The following MECOM variants were observed in gnomAD, a reference collection of about 807,000 sequenced individuals.
The protein encoded by MECOM is histone-lysine N-methyltransferase MECOM.
MECOM carries 13 observed loss-of-function variants against 116.3 expected under a neutral mutation model. That is an observed-to-expected ratio of 0.11 (90% CI 0.07 to 0.18). The LOEUF is 0.18. MECOM is among the 10% of genes least tolerant of loss of function. The pLI is 1.00. For missense variants in MECOM, 1,299 were observed against 1,509.0 expected, an observed-to-expected ratio of 0.86 and a Z score of 2.31; for synonymous variants, 528 against 535.2, an observed-to-expected ratio of 0.99 and a Z score of 0.19.
At chr3:169,086,623 C>T in intron 16 of MECOM, 1 of 699,726 alleles carries the variant, frequency 1.4e-6, no homozygotes. Context: ...GGAGGAATCA[C>T]ATGCACTAAC....
intron 2 of MECOM, among the ~76,000 whole-genome samples, chr3:169,170,661 C>A (rs1459218065): frequency 2.6e-5 from 4 of 152,098 alleles, no homozygotes; most frequent in African/African-American, 4.8e-5. Flanking sequence ...TTCTGGGCAA[C>A]ATTCCACAAA....
chr3:169,523,298 C>T (rs1757571606), intron 1 of MECOM, among the ~76,000 whole-genome samples: 1 of 152,104 alleles, frequency 6.6e-6, no homozygotes, highest in Non-Finnish European at 1.5e-5. Context: ...AAAGAGAAGC[C>T]TAGTCCTTTC....
At chr3:169,507,810 G>A (rs1483753381) in intron 1 of MECOM, among the ~76,000 whole-genome samples, 9 of 143,212 alleles carry the variant, frequency 6.3e-5, no homozygotes, top group Non-Finnish European at 9.1e-5. Flanking sequence ...CACAGGCACC[G>A]CCACCACGCC....
At chr3:169,219,469 T>C (rs1751840738) in intron 2 of MECOM, among the ~76,000 whole-genome samples, 1 of 152,294 alleles carries the variant, frequency 6.6e-6, no homozygotes, top group Middle Eastern at 3.4e-3. Flanking sequence ...ATGGCGCCAC[T>C]GCACTCCAGC....
At chr3:169,121,932 T>C (rs1731176912) in intron 6 of MECOM, among the ~76,000 whole-genome samples, 1 of 151,994 alleles carries the variant, frequency 6.6e-6, no homozygotes, top group Admixed American at 6.6e-5. Context: ...AGGAAATGTG[T>C]TTTGGAAATA....
At chr3:169,174,343 A>C (rs1322077193) in intron 2 of MECOM, among the ~76,000 whole-genome samples, 1 of 152,216 alleles carries the variant, frequency 6.6e-6, no homozygotes, top group African/African-American at 2.4e-5. Context: ...ACCACCAAGC[A>C]CTTCCTTCTG....
intron 1 of MECOM, among the ~76,000 whole-genome samples, chr3:169,403,111 T>C (rs1379340689): frequency 6.6e-6 from 1 of 152,206 alleles, no homozygotes; most frequent in Non-Finnish European, 1.5e-5. Context: ...AAAATCAACA[T>C]TCTCTATACA....
intron 3 of MECOM, 75 bp downstream of exon 3, chr3:169,143,622 CT>C: frequency 2.1e-6 from 3 of 1,406,602 alleles, no homozygotes; most frequent in Non-Finnish European, 2.8e-6. Context: ...CTGCAGCTTA[CT>C]GTTATTTTTA....
At chr3:169,612,671 G>T (rs1299568960) in intron 1 of MECOM, among the ~76,000 whole-genome samples, 2 of 152,026 alleles carry the variant, frequency 1.3e-5, no homozygotes, top group South Asian at 4.1e-4. Context: ...GTTTTGCCAA[G>T]AGCAAATGGA....
intron 2 of MECOM, chr3:169,147,185 T>A (rs1740162654): frequency 1.0e-6 from 1 of 985,326 alleles, no homozygotes; most frequent in Admixed American, 6.2e-5. Flanking sequence ...CACTAAAACT[T>A]CTACTTCTCC....
Position 169,217,045 on chromosome 3 carries a change from G to C in MECOM, c.376-73213C>G, listed in dbSNP as rs141730326. 3.5e-4 allele frequency among the ~76,000 whole-genome samples: 53 copies of C among 152,210 alleles called. 1 individual carries two copies. The East Asian group carries it at 0.01, about 29-fold the overall frequency. On this transcript the variant is annotated intron_variant, in intron 2 of 16. Coordinates refer to ENST00000651503, the MANE Select transcript of MECOM (RefSeq NM_004991.4). ...CAACCGACAGATACCCCATCTCTGT[G>C]GGTTCATTTTGACTTCCTTGCACAA... is the stretch of plus-strand genomic sequence containing the variant.
At chr3:169,154,074 C>G (rs1187640768) in intron 2 of MECOM, among the ~76,000 whole-genome samples, 1 of 152,080 alleles carries the variant, frequency 6.6e-6, no homozygotes, top group Non-Finnish European at 1.5e-5. Flanking sequence ...TTCTCTCAAG[C>G]TGTGCTACCC....
chr3:169,604,150 A>G (rs1391581894), intron 1 of MECOM, among the ~76,000 whole-genome samples: 1 of 152,220 alleles, frequency 6.6e-6, no homozygotes, highest in Non-Finnish European at 1.5e-5. Flanking sequence ...GTGTGTAAGC[A>G]TGAGAAAGAT....
intron 2 of MECOM, among the ~76,000 whole-genome samples, chr3:169,369,531 G>T (rs1222364874): frequency 6.6e-6 from 1 of 151,032 alleles, no homozygotes; most frequent in Non-Finnish European, 1.5e-5. Flanking sequence ...TTTATTTTTT[G>T]TAAAAATGGG....
intron 1 of MECOM, among the ~76,000 whole-genome samples, chr3:169,555,415 G>A (rs552463484): frequency 3.0e-4 from 45 of 152,196 alleles, no homozygotes; most frequent in African/African-American, 6.3e-4. Flanking sequence ...CCAGCCCCCC[G>A]CCAATGGAGA....
chr3:169,190,046 G>A (rs113114928), intron 2 of MECOM, among the ~76,000 whole-genome samples: 9 of 152,034 alleles, frequency 5.9e-5, no homozygotes, highest in African/African-American at 1.2e-4. Flanking sequence ...AACTACAGAC[G>A]CAGAATGTGA....
At chr3:169,470,660 A>T (rs1749078137) in intron 1 of MECOM, among the ~76,000 whole-genome samples, 1 of 152,218 alleles carries the variant, frequency 6.6e-6, no homozygotes, top group African/African-American at 2.4e-5. Flanking sequence ...GAGGCATGTC[A>T]CAGTGCTTGA....
intron 2 of MECOM, among the ~76,000 whole-genome samples, chr3:169,263,025 TA>T (rs796549477): frequency 1.2e-4 from 16 of 136,210 alleles, no homozygotes; most frequent in African/African-American, 4.3e-4. Flanking sequence ...TTAATTACCT[TA>T]AACAATGAGC....
intron 1 of MECOM, among the ~76,000 whole-genome samples, chr3:169,603,208 T>C (rs1241295798): frequency 2.0e-5 from 3 of 152,218 alleles, no homozygotes; most frequent in Non-Finnish European, 4.4e-5. Flanking sequence ...ATCCTGACCC[T>C]GCGTAGGCCT....
Sources: allele counts gnomAD v4.1 joint callset (sites outside exome capture counted in the v4.1 genomes callset), GRCh38; gene constraint gnomAD v4.1.1; transcripts MANE v1.5; gene names NCBI Gene and HGNC (gene_info 2026-07-23, HGNC 2026-07-21).